ARAP1: variants seen among roughly 807,000 people sequenced by gnomAD.
ARAP1 encodes arf-GAP with Rho-GAP domain, ANK repeat and PH domain-containing protein 1.
ARAP1 carries 76 observed loss-of-function variants against 172.2 expected under a neutral mutation model. That is an observed-to-expected ratio of 0.44 (90% CI 0.37 to 0.53). The LOEUF is 0.53. Ranked by LOEUF, ARAP1 falls within the 20% of genes least tolerant of loss-of-function variation. The pLI, the probability that ARAP1 is intolerant of heterozygous loss-of-function variation, is 0.00. For synonymous variants in ARAP1, 804 were observed against 803.3 expected, an observed-to-expected ratio of 1.00 and a Z score of -0.01; for missense variants, 1,686 against 1,977.5, an observed-to-expected ratio of 0.85 and a Z score of 2.80.
Position 72,704,135 on chromosome 11 carries a change from A to C in ARAP1, c.1992+17T>G, listed in dbSNP as rs546986073. On this transcript the variant is annotated intron_variant, in intron 14 of 34. Coordinates refer to ENST00000393609, the MANE Select transcript of ARAP1 (RefSeq NM_001040118.3). The stretch of plus-strand genomic sequence containing the variant: ...CGGGGGTGGTCCCAAGGGGCCCCAG[A>C]GCTGCAGTGCCCTGACCTTGTCCAG... The C allele has an allele frequency of 1.5e-5, 25 of 1,613,996 alleles. No homozygotes were observed. The South Asian group carries it at 2.7e-4, about 18-fold the overall frequency.
Position 72,701,668 on chromosome 11 carries a change from C to G in ARAP1, c.2283G>C (p.Gln761His), listed in dbSNP as rs1219465356. 1 of 1,613,676 alleles carries G rather than the reference C, an allele frequency of 6.2e-7. No homozygotes were observed. The highest frequency in any genetic ancestry group is 2.2e-5 in the East Asian group (1 of 44,856). The stretch of plus-strand genomic sequence containing the variant: ...ACCCACCTTCCCGGGCCCGGCGGTC[C>G]TGTAGCAGCTTGCCGGCAGAGGCAG... ...YKTASAGKLL[Q>H]DRRAREEFSR... The change falls in exon 16 of 35, where the codon CAG (glutamine) becomes CAC (histidine). Residue 761 changes from glutamine (Q) to histidine (H), a missense_variant. Around this residue, in one of 5 missense-constraint regions of ARAP1, gnomAD observed 688 missense variants for 856.9 expected, o/e 0.80. Coordinates refer to ENST00000393609, the MANE Select transcript of ARAP1 (RefSeq NM_001040118.3).
chr11:72,726,919 T>C lies in ARAP1; in HGVS notation c.210A>G (p.Ser70=). 6.3e-7 allele frequency: 1 copy of C among 1,589,808 alleles called. No individual in the cohort carries two copies. ...ILAGLLRAHT[S]PAPAPRPTPR... ...GGGTGGGGCGGGGTGCAGGGGCCGG[T>C]GAGGTATGGGCACGGAGCAGGCCAG... The change falls in exon 3 of 35, where the codon TCA becomes TCG. Residue 70 remains serine, a synonymous_variant. Coordinates refer to ENST00000393609, the MANE Select transcript of ARAP1 (RefSeq NM_001040118.3). This position sits in a 1 kb window ranked among gnomAD's most constrained non-coding sequence, Gnocchi z 6.5.
At chr11:72,723,075 A>G (rs1857579547) in intron 3 of ARAP1, among the ~76,000 whole-genome samples, 1 of 152,138 alleles carries the variant, frequency 6.6e-6, no homozygotes. Flanking sequence ...TGGGAGGTCG[A>G]GGCAGGAGCA....
intron 31 of ARAP1, among the ~76,000 whole-genome samples, chr11:72,688,161 T>G (rs1457749027): frequency 6.6e-6 from 1 of 152,106 alleles, no homozygotes; most frequent in Non-Finnish European, 1.5e-5. Flanking sequence ...TTTTTGTATT[T>G]TTTTGTAGAG....
chr11:72,701,746 C>T lies in ARAP1; in HGVS notation c.2205G>A (p.Lys735=). The change falls in exon 16 of 35, where the codon AAG becomes AAA. Residue 735 remains lysine, a synonymous_variant. Coordinates refer to ENST00000393609, the MANE Select transcript of ARAP1 (RefSeq NM_001040118.3). ...PRLDSMKPLE[K]HYSVVLPTVS... is the part of the protein sequence containing the mutation. The stretch of plus-strand genomic sequence containing the variant: ...CGGTCGGCAGGACAACTGAGTAGTG[C>T]TTTTCCAGGGGCTTCATCGAGTCCA... 2 of 1,613,926 alleles carry T rather than the reference C, an allele frequency of 1.2e-6. No individual in the cohort carries two copies. Among genetic ancestry groups the T allele is most frequent in the East Asian group, 2.2e-5 (1 of 44,870 alleles).
At chr11:72,711,632 A>G (rs960573699) in intron 7 of ARAP1, 133 bp from the exon 8 acceptor site, 10 of 672,218 alleles carry the variant, frequency 1.5e-5, no homozygotes, top group East Asian at 2.7e-5. Flanking sequence ...CCAAATGGCC[A>G]CTGGCAAGAA....
intron 1 of ARAP1, among the ~76,000 whole-genome samples, chr11:72,746,504 C>G (rs995450080): frequency 2.0e-4 from 30 of 152,204 alleles, no homozygotes; most frequent in African/African-American, 6.5e-4. Context: ...TTTAGGCTCT[C>G]GGAACCTAGA....
rs778794533 is a variant in ARAP1, at chr11:72,697,013, C to A, written c.3136G>T (p.Ala1046Ser). ...RDLPDGLFTR[A>S]QRLTWLEASE... ...GCCTCCAGCCAGGTTAGGCGCTGGG[C>A]GCGAGTGAAGAGCCCATCAGGCAGG... Residue 1046 changes from alanine to serine, a missense_variant, in exon 22 of 35, where the codon GCC becomes TCC. Ala to Ser is a moderately conservative substitution (Grantham distance 99). Coordinates refer to ENST00000393609, the MANE Select transcript of ARAP1 (RefSeq NM_001040118.3). 9.3e-6 allele frequency: 15 copies of A among 1,608,320 alleles called. No homozygotes were observed. Among genetic ancestry groups the A allele is most frequent in the Non-Finnish European group, 1.3e-5 (15 of 1,179,858 alleles).
Position 72,695,686 on chromosome 11 carries a change from T to C in ARAP1, c.3420+32A>G. ...CACCGTCATCTGCAAGGATCACCCC[T>C]GCCCTCCACTGCCCACTGGCCAGGG... On this transcript the variant is annotated intron_variant, in intron 24 of 34. Coordinates refer to ENST00000393609, the MANE Select transcript of ARAP1 (RefSeq NM_001040118.3). This position sits in a 1 kb window ranked among gnomAD's most constrained non-coding sequence, Gnocchi z 4.4. The C allele has an allele frequency of 6.2e-7, 1 of 1,614,082 alleles. No individual in the cohort carries two copies. The highest frequency in any genetic ancestry group is 8.5e-7 in the Non-Finnish European group (1 of 1,179,952).
chr11:72,689,654 G>T (rs114249163), intron 30 of ARAP1: 5 of 152,258 alleles, frequency 3.3e-5, no homozygotes, highest in African/African-American at 9.6e-5. Flanking sequence ...CTCACAGGGG[G>T]TGTGGCTTAG....
At chr11:72,719,134 C>T (rs1157550589) in intron 3 of ARAP1, among the ~76,000 whole-genome samples, 6 of 152,264 alleles carry the variant, frequency 3.9e-5, no homozygotes, top group East Asian at 1.9e-4. Flanking sequence ...GCACCACAGC[C>T]GAGCAAACAA....
intron 3 of ARAP1, among the ~76,000 whole-genome samples, chr11:72,716,916 AACGTACTCTCAC>A (rs1173055716): frequency 2.6e-5 from 4 of 152,156 alleles, no homozygotes; most frequent in Non-Finnish European, 5.9e-5. Flanking sequence ...CTTGAGTCGG[AACGTACTCTCAC>A]AGCTGGACCT....
Position 72,685,387 on chromosome 11 carries a change from C to T in ARAP1, c.*277G>A. The T allele has an allele frequency of 1.9e-6, 1 of 539,060 alleles. No homozygotes were observed. Among genetic ancestry groups the T allele is most frequent in the Non-Finnish European group, 3.3e-6 (1 of 300,572 alleles). The allele number at this position is 539,060 out of a possible 1,614,324, so 33.4% of individuals were successfully genotyped here. A position where few individuals can be genotyped will look rare whatever the true frequency, so the allele number is the denominator to read the frequency against. ...TCCTGACTTATGCCCATCTCTCCAG[C>T]CCCACAAGGACAGTGAACCCGGTGG... On this transcript the variant is annotated 3_prime_UTR_variant, in exon 35 of 35. Coordinates refer to ENST00000393609, the MANE Select transcript of ARAP1 (RefSeq NM_001040118.3).
At chr11:72,701,503 T>C (rs11235573) in intron 16 of ARAP1, 146 bp downstream of exon 16, 592,324 of 1,136,550 alleles carry the variant, frequency 0.52, 156,021 homozygotes, top group Non-Finnish European at 0.54. Flanking sequence ...ATTTAGGAAG[T>C]ACCTACTGTG....
At chr11:72,713,961 T>C (rs1000182848) in intron 4 of ARAP1, among the ~76,000 whole-genome samples, 191 bp downstream of exon 4, 1 of 148,592 alleles carries the variant, frequency 6.7e-6, no homozygotes, top group Admixed American at 6.7e-5. Flanking sequence ...GCCAGAGAGG[T>C]GGGTGCTGTC....
At chr11:72,701,903 A>G in intron 15 of ARAP1, 120 bp from the exon 16 acceptor site, 1 of 1,319,204 alleles carries the variant, frequency 7.6e-7, no homozygotes, top group Non-Finnish European at 1.0e-6. Context: ...CAGCTCCCTA[A>G]CTGGCAGCCT....
At chr11:72,702,386 A>G (rs1221602136) in intron 15 of ARAP1, among the ~76,000 whole-genome samples, 1 of 151,684 alleles carries the variant, frequency 6.6e-6, no homozygotes, top group Non-Finnish European at 1.5e-5. Context: ...GGCCTGGGCC[A>G]CGAGCTGTGC....
At position 72,695,844 on chromosome 11, in the gene ARAP1, C is replaced by G; in HGVS notation, c.3294G>C (p.Thr1098=). The change falls in exon 24 of 35, where the codon ACG becomes ACC. Residue 1098 remains threonine, a synonymous_variant. Coordinates refer to ENST00000393609, the MANE Select transcript of ARAP1 (RefSeq NM_001040118.3). This position sits in a 1 kb window ranked among gnomAD's most constrained non-coding sequence, Gnocchi z 4.4. ...HLYCVQCFSD[T]NQMNVHNLAI... ...CCAGGTTGTGCACGTTCATCTGGTT[C>G]GTGTCTGAGAAGCACTGAACACTGG... 1 of 1,613,254 alleles carries G rather than the reference C, an allele frequency of 6.2e-7. No individual in the cohort carries two copies. The highest frequency in any genetic ancestry group is 8.5e-7 in the Non-Finnish European group (1 of 1,179,498).
At chr11:72,694,895 G>C in intron 27 of ARAP1, 85 bp downstream of exon 27, 1 of 1,169,882 alleles carries the variant, frequency 8.5e-7, no homozygotes, top group Non-Finnish European at 1.2e-6. Context: ...CCATCCTCAT[G>C]TGCAGGGTAG....
Sources: allele counts gnomAD v4.1 joint callset (sites outside exome capture counted in the v4.1 genomes callset), GRCh38; gene constraint gnomAD v4.1.1; regional missense constraint gnomAD v4.1.1; non-coding constraint Gnocchi (gnomAD v3.1); transcripts MANE v1.5; gene names NCBI Gene and HGNC (gene_info 2026-07-23, HGNC 2026-07-21).